NYNRIN: variants seen among roughly 807,000 people sequenced by gnomAD.
NYNRIN encodes protein NYNRIN.
A neutral mutation model predicts 146.6 loss-of-function variants in NYNRIN; 86 were observed. The ratio of observed to expected loss-of-function variants is 0.59; its 90% confidence interval spans 0.49 to 0.70. NYNRIN has a LOEUF of 0.70. Ranked by LOEUF, NYNRIN falls within the 30% of genes least tolerant of loss-of-function variation. The pLI is 0.00. For missense variants in NYNRIN, 2,191 were observed against 2,377.7 expected (o/e 0.92, Z 1.63); for synonymous variants, 1,027 against 1,001.3 (o/e 1.03, Z -0.48).
intron 2 of NYNRIN, among the ~76,000 whole-genome samples, chr14:24,404,896 C>A (rs752240621): frequency 6.6e-6 from 1 of 152,192 alleles, no homozygotes; most frequent in East Asian, 1.9e-4. Context: ...GTGTGGTGCT[C>A]ACACCTTCGA....
rs1485608146 is a variant in NYNRIN, at chr14:24,418,587, C to T, written c.*1141C>T. On this transcript the variant is annotated 3_prime_UTR_variant, in exon 9 of 9. Coordinates refer to ENST00000382554, the MANE Select transcript of NYNRIN (RefSeq NM_025081.3). ...AGTGTGAGTTCCTTCCAGGTGTGTG[C>T]GCGTACACTCACCCTCTGAATTGCT... 5 of 178,168 alleles carry T rather than the reference C, an allele frequency of 2.8e-5. No individual in the cohort carries two copies. The highest frequency in any genetic ancestry group is 1.9e-4 in the South Asian group (2 of 10,462). The allele number at this position is 178,168 out of a possible 1,614,324, so 11.0% of individuals were successfully genotyped here.
Position 24,415,478 on chromosome 14 carries a change from G to C in NYNRIN, c.3729G>C (p.Glu1243Asp), listed in dbSNP as rs768081201. ...CCTCCCGGACCACTGCGGACCCTGA[G>C]GTGCGGGAGGGCCGCAGGGTTTCCA... ...SYASRTTADP[E>D]VREGRRVSKA... Residue 1243 changes from glutamate to aspartate, a missense_variant, in exon 9 of 9, where the codon GAG becomes GAC. By Grantham distance (45) the Glu-to-Asp change is conservative (BLOSUM62 2). This residue lies in a region of NYNRIN where 1,291 missense variants were observed against 1,417.0 expected (regional missense o/e 0.91). Transcript: ENST00000382554. 38 of 1,613,772 alleles carry C rather than the reference G, an allele frequency of 2.4e-5. No homozygotes were observed. The highest frequency in any genetic ancestry group is 3.1e-5 in the Non-Finnish European group (36 of 1,179,870).
chr14:24,411,140 C>G lies in NYNRIN; in HGVS notation c.2479C>G (p.Arg827Gly). 6.2e-7 allele frequency: 1 copy of G among 1,610,974 alleles called. No homozygotes were observed. The highest frequency in any genetic ancestry group is 8.5e-7 in the Non-Finnish European group (1 of 1,178,618). Residue 827 changes from arginine to glycine, a missense_variant, in exon 5 of 9, where the codon CGG becomes GGG. Physicochemically the swap from Arg to Gly is moderately radical, Grantham distance 125. Around this residue, in one of 3 missense-constraint regions of NYNRIN, gnomAD observed 1,291 missense variants for 1,417.0 expected, o/e 0.91. Coordinates refer to ENST00000382554, the MANE Select transcript of NYNRIN (RefSeq NM_025081.3). This position sits in a 1 kb window ranked among gnomAD's most constrained non-coding sequence, Gnocchi z 4.3. ...IAMAVQFFWN[R>G]GHREVTVFVP... ...CATGGCAGTGCAGTTTTTCTGGAACCGGGGACACCGAGAGGTCACTGTGTT... is the reference window on the plus strand; with the variant it reads ...CATGGCAGTGCAGTTTTTCTGGAACGGGGGACACCGAGAGGTCACTGTGTT...
Position 24,409,864 on chromosome 14 carries a change from A to G in NYNRIN, c.2070A>G (p.Ala690=), listed in dbSNP as rs369594056. 1.2e-5 allele frequency: 19 copies of G among 1,613,338 alleles called. No homozygotes were observed. Among genetic ancestry groups the G allele is most frequent in the Admixed American group, 3.3e-5 (2 of 59,910 alleles). Reference sequence around the variant, plus strand: ...CAGCTCAGAAGGTGCCCACGGATGCAGGGCCAACCTTGGATGTAGCCAGAC... The same window carrying G: ...CAGCTCAGAAGGTGCCCACGGATGCGGGGCCAACCTTGGATGTAGCCAGAC... The part of the protein sequence containing the change: ...TPAAQKVPTD[A]GPTLDVARLL... The change falls in exon 4 of 9, where the codon GCA becomes GCG. Residue 690 remains alanine (A), a synonymous_variant. Coordinates refer to ENST00000382554, the MANE Select transcript of NYNRIN (RefSeq NM_025081.3).
rs200693824 is a variant in NYNRIN at position 24,416,962 on chromosome 14, C to T, written c.5213C>T (p.Ala1738Val). Residue 1738 changes from alanine (A) to valine (V), a missense_variant, in exon 9 of 9, where the codon GCG (alanine) becomes GTG (valine). Ala to Val is a moderately conservative substitution (Grantham distance 64). Around this residue, in one of 3 missense-constraint regions of NYNRIN, gnomAD observed 1,291 missense variants for 1,417.0 expected, o/e 0.91. Transcript: ENST00000382554. Reference sequence around the variant, plus strand: ...ATCTTCCTGCATGGGAAGAAGTGGGCGGCCTCCCTGCCTTTGCTGCACCTG... The same window carrying T: ...ATCTTCCTGCATGGGAAGAAGTGGGTGGCCTCCCTGCCTTTGCTGCACCTG... ...EFIFLHGKKW[A>V]ASLPLLHLAF... 46 of 1,584,140 alleles carry T rather than the reference C, an allele frequency of 2.9e-5. No homozygotes were observed. Among genetic ancestry groups the T allele is most frequent in the Middle Eastern group, 1.7e-4 (1 of 5,906 alleles).
At chr14:24,405,378 C>T (rs116381759) in intron 2 of NYNRIN, among the ~76,000 whole-genome samples, 2,585 of 152,258 alleles carry the variant, frequency 0.017, 70 homozygotes, top group African/African-American at 0.057. Context: ...AGTTGACTAA[C>T]GACCTGTGGG....
chr14:24,412,851 C>T (rs2042920690), intron 6 of NYNRIN, 146 bp from the exon 7 acceptor site: 2 of 579,166 alleles, frequency 3.5e-6, no homozygotes, highest in Non-Finnish European at 6.2e-6. Context: ...AGGGGATGGG[C>T]TCGGGGGTCC....
Position 24,416,100 on chromosome 14 carries a change from G to T in NYNRIN, c.4351G>T (p.Gly1451Trp). The T allele has an allele frequency of 6.2e-7, 1 of 1,613,992 alleles. No homozygotes were observed. Among genetic ancestry groups the T allele is most frequent in the East Asian group, 2.2e-5 (1 of 44,888 alleles). The change falls in exon 9 of 9, where the codon GGG becomes TGG. Residue 1451 changes from glycine to tryptophan, a missense_variant. This residue lies in a region of NYNRIN where 1,291 missense variants were observed against 1,417.0 expected (regional missense o/e 0.91). Coordinates refer to ENST00000382554, the MANE Select transcript of NYNRIN (RefSeq NM_025081.3). ...CACCCTGGCCAAGCAGGGTGCCCAGGGGGGTGGGCAGTGGTGGAGTTTGCC... is the reference window on the plus strand; with the variant it reads ...CACCCTGGCCAAGCAGGGTGCCCAGTGGGGTGGGCAGTGGTGGAGTTTGCC... Reference protein sequence around the residue: ...VDTLAKQGAQGGGQWWSLPKD... With the variant: ...VDTLAKQGAQWGGQWWSLPKD...
chr14:24,413,988 T>C (rs1450689398), intron 8 of NYNRIN, among the ~76,000 whole-genome samples: 2 of 152,266 alleles, frequency 1.3e-5, no homozygotes, highest in East Asian at 3.8e-4. Flanking sequence ...GAGGAATCTG[T>C]GACTCAAGTG....
chr14:24,409,750 A>G lies in NYNRIN; in HGVS notation c.1956A>G (p.Thr652=), dbSNP rs918039760. 1.2e-6 allele frequency: 2 copies of G among 1,610,742 alleles called. No individual in the cohort carries two copies. Among genetic ancestry groups the G allele is most frequent in the East Asian group, 2.2e-5 (1 of 44,748 alleles). The change falls in exon 4 of 9, where the codon ACA becomes ACG. Residue 652 remains threonine (T), a synonymous_variant. Coordinates refer to ENST00000382554, the MANE Select transcript of NYNRIN (RefSeq NM_025081.3). ...TPKAQAGPAA[T]VSKAPAASKA... is the part of the protein sequence containing the mutation. ...AAGCTCAAGCCGGGCCTGCAGCTAC[A>G]GTTTCCAAAGCACCTGCAGCTTCCA...
intron 2 of NYNRIN, among the ~76,000 whole-genome samples, chr14:24,404,662 C>A (rs971987027): frequency 2.0e-5 from 3 of 152,140 alleles, no homozygotes; most frequent in Non-Finnish European, 4.4e-5. Flanking sequence ...CTTGATTGTA[C>A]AGAGATTTGC....
In NYNRIN at chr14:24,415,378, A is replaced by G. The variant is rs768152222; in HGVS notation, c.3629A>G (p.Tyr1210Cys). The G allele has an allele frequency of 5.6e-6, 9 of 1,613,842 alleles. No individual in the cohort carries two copies. The highest frequency in any genetic ancestry group is 7.6e-6 in the Non-Finnish European group (9 of 1,179,866). Reference sequence around the variant, plus strand: ...CCCCAGTCAGGGGGTGACAGCCCCTATGCTGTGGCCTGGGCCCTCAAGCAT... The same window carrying G: ...CCCCAGTCAGGGGGTGACAGCCCCTGTGCTGTGGCCTGGGCCCTCAAGCAT... ...QGPQSGGDSP[Y>C]AVAWALKHFS... is the part of the protein sequence containing the mutation. The change falls in exon 9 of 9, where the codon TAT becomes TGT. Residue 1210 changes from tyrosine to cysteine, a missense_variant. Physicochemically the swap from Tyr to Cys is radical, Grantham distance 194. Coordinates refer to ENST00000382554, the MANE Select transcript of NYNRIN (RefSeq NM_025081.3).
chr14:24,413,278 G>T (rs781356928), intron 7 of NYNRIN, 38 bp from the exon 8 acceptor site: 1 of 1,577,218 alleles, frequency 6.3e-7, no homozygotes, highest in African/African-American at 1.3e-5. Flanking sequence ...TGGGTCAAGG[G>T]CTCACAGTGA....
At chr14:24,404,092 T>C (rs1473798534) in intron 2 of NYNRIN, among the ~76,000 whole-genome samples, 2 of 152,226 alleles carry the variant, frequency 1.3e-5, no homozygotes, top group East Asian at 3.8e-4. Context: ...GGGGGCCTTC[T>C]ATCTGGACAC....
In NYNRIN at chr14:24,417,157, G is replaced by T. The variant is rs1367098407; in HGVS notation, c.5408G>T (p.Arg1803Met). The change falls in exon 9 of 9, where the codon AGG becomes ATG. Residue 1803 changes from arginine (R) to methionine (M), a missense_variant. Arg to Met is a moderately conservative substitution (Grantham distance 91). Transcript: ENST00000382554. Reference protein sequence around the residue: ...LVGELLELHWRVADKASEKAE... With the variant: ...LVGELLELHWMVADKASEKAE... ...GGGGAGCTGCTGGAGCTCCACTGGA[G>T]GGTGGCTGACAAGGCGAGTGAAAAG... is the stretch of plus-strand genomic sequence containing the variant. The T allele has an allele frequency of 1.2e-6, 2 of 1,614,020 alleles. No homozygotes were observed. Among genetic ancestry groups the T allele is most frequent in the South Asian group, 1.1e-5 (1 of 91,080 alleles).
Position 24,415,062 on chromosome 14 carries a change from A to G in NYNRIN, c.3313A>G (p.Arg1105Gly), listed in dbSNP as rs1249413610. 1.9e-6 allele frequency: 3 copies of G among 1,612,714 alleles called. No homozygotes were observed. The highest frequency in any genetic ancestry group is 2.7e-5 in the African/African-American group (2 of 74,872). The change falls in exon 9 of 9, where the codon AGG (arginine) becomes GGG (glycine). Residue 1105 changes from arginine to glycine, a missense_variant. Physicochemically the swap from Arg to Gly is moderately radical, Grantham distance 125 (BLOSUM62 -2). Around this residue, in one of 3 missense-constraint regions of NYNRIN, gnomAD observed 1,291 missense variants for 1,417.0 expected, o/e 0.91. Transcript: ENST00000382554. ...CTTCATGGGCTTCATGGACTCCCAC[A>G]GGGATGCCATCCCTGACTATGAAGC... is the stretch of plus-strand genomic sequence containing the variant. ...SFFMGFMDSH[R>G]DAIPDYEALV...
chr14:24,400,502 C>T (rs928889502), intron 2 of NYNRIN, among the ~76,000 whole-genome samples: 12 of 152,292 alleles, frequency 7.9e-5, no homozygotes, highest in South Asian at 6.2e-4. Context: ...GCCCAGAACT[C>T]GGCCAGCCAG....
intron 6 of NYNRIN, among the ~76,000 whole-genome samples, chr14:24,412,124 TCTCCACA>T (rs940233784): frequency 6.6e-6 from 1 of 152,134 alleles, no homozygotes; most frequent in African/African-American, 2.4e-5. Flanking sequence ...AAGTTCTGTT[TCTCCACA>T]CTCTTCCCAA....
Position 24,408,360 on chromosome 14 carries a change from A to G in NYNRIN, c.690A>G (p.Glu230=), listed in dbSNP as rs1421154672. The change falls in exon 3 of 9, where the codon GAA becomes GAG. Residue 230 remains glutamate, a synonymous_variant. Coordinates refer to ENST00000382554, the MANE Select transcript of NYNRIN (RefSeq NM_025081.3). ...TCTGCCCTCCCCAGCAGCAGAAGGA[A>G]GCCCCAGCCATGGTGTCCGTGGGAG... is the stretch of plus-strand genomic sequence containing the variant. The part of the protein sequence containing the change: ...VLICPPQQQK[E]APAMVSVGES... 2.5e-6 allele frequency: 4 copies of G among 1,613,764 alleles called. No homozygotes were observed. The highest frequency in any genetic ancestry group is 1.6e-4 in the Middle Eastern group (1 of 6,084).
Sources: gnomAD v4.1 joint callset for allele counts (sites outside exome capture counted in the v4.1 genomes callset) on GRCh38, gnomAD v4.1.1 for gene constraint, gnomAD v4.1.1 regional missense constraint, Gnocchi (gnomAD v3.1) non-coding constraint, MANE v1.5 for transcripts, NCBI Gene and HGNC (gene_info 2026-07-23, HGNC 2026-07-21) for gene names.